The following SLC24A2 variants were observed in gnomAD, a reference collection of about 807,000 sequenced individuals.
SLC24A2 encodes the protein sodium/potassium/calcium exchanger 2.
SLC24A2 carries 36 observed loss-of-function variants against 62.0 expected under a neutral mutation model. The ratio of observed to expected loss-of-function variants is 0.58; its 90% CI spans 0.44 to 0.77. The LOEUF (loss-of-function observed/expected upper bound fraction) is 0.77. SLC24A2 is among the 30% of genes least tolerant of loss of function. The pLI is 0.00. For missense variants in SLC24A2, 846 were observed against 817.9 expected, an observed-to-expected ratio of 1.03 and a Z score of -0.42; for synonymous variants, 358 against 294.0, an observed-to-expected ratio of 1.22 and a Z score of -2.23.
the SLC24A2 span, among the ~76,000 whole-genome samples, chr9:20,087,361 G>A: frequency 6.6e-6 from 1 of 152,110 alleles, no homozygotes; most frequent in Non-Finnish European, 1.5e-5. Flanking sequence ...CAATAGGAAC[G>A]TAAACAGAAG....
chr9:20,179,194 G>C, the SLC24A2 span, among the ~76,000 whole-genome samples: 1 of 152,064 alleles, frequency 6.6e-6, no homozygotes, highest in Middle Eastern at 3.2e-3. Context: ...CGACTCTTGG[G>C]GCCCAAGGGG....
intron 2 of SLC24A2, among the ~76,000 whole-genome samples, chr9:19,667,121 T>C (rs1029812271): frequency 2.0e-5 from 3 of 152,132 alleles, no homozygotes; most frequent in African/African-American, 7.2e-5. Flanking sequence ...ACAACCTCAA[T>C]GATTTATCAC....
At chr9:19,904,644 C>T in the SLC24A2 span, among the ~76,000 whole-genome samples, 3 of 152,178 alleles carry the variant, frequency 2.0e-5, no homozygotes, top group Non-Finnish European at 4.4e-5. Context: ...TTTCATTACT[C>T]ATGATTCTTC....
the SLC24A2 span, among the ~76,000 whole-genome samples, chr9:19,970,360 T>C: frequency 6.6e-6 from 1 of 152,202 alleles, no homozygotes; most frequent in Admixed American, 6.5e-5. Flanking sequence ...ATTAAAATAA[T>C]TGTCTCCCTC....
chr9:20,203,095 T>A, the SLC24A2 span, among the ~76,000 whole-genome samples: 2 of 146,456 alleles, frequency 1.4e-5, no homozygotes, highest in South Asian at 4.6e-4. Context: ...TTATCCACAC[T>A]AAAGTTGGAG....
At chr9:20,253,535 C>T in the SLC24A2 span, among the ~76,000 whole-genome samples, 2 of 152,296 alleles carry the variant, frequency 1.3e-5, no homozygotes, top group African/African-American at 4.8e-5. Flanking sequence ...GGGTTCTCAA[C>T]CTTGGCTCCG....
At chr9:19,611,701 G>A (rs1179488875) in intron 4 of SLC24A2, among the ~76,000 whole-genome samples, 2 of 152,120 alleles carry the variant, frequency 1.3e-5, no homozygotes, top group Non-Finnish European at 2.9e-5. Flanking sequence ...TCATGGGTCA[G>A]CAGACAGCCC....
chr9:20,075,896 A>G, the SLC24A2 span, among the ~76,000 whole-genome samples: 1 of 152,202 alleles, frequency 6.6e-6, no homozygotes, highest in Non-Finnish European at 1.5e-5. Context: ...ATTCATGGAT[A>G]CTCAAGTCCC....
At chr9:20,137,502 G>C in the SLC24A2 span, among the ~76,000 whole-genome samples, 2 of 152,162 alleles carry the variant, frequency 1.3e-5, no homozygotes, top group African/African-American at 4.8e-5. Context: ...AAAATGTTAA[G>C]ATAGTCTTGG....
chr9:20,219,963 C>A, the SLC24A2 span, among the ~76,000 whole-genome samples: 1 of 152,240 alleles, frequency 6.6e-6, no homozygotes, highest in South Asian at 2.1e-4. Context: ...ACCTACCATA[C>A]AGGGTTGAAA....
At chr9:20,025,893 G>T in the SLC24A2 span, among the ~76,000 whole-genome samples, 3 of 152,108 alleles carry the variant, frequency 2.0e-5, no homozygotes, top group Non-Finnish European at 4.4e-5. Context: ...ATGCATCACT[G>T]CTATTAAAGA....
chr9:19,890,964 A>T, the SLC24A2 span, among the ~76,000 whole-genome samples: 1 of 152,166 alleles, frequency 6.6e-6, no homozygotes, highest in Admixed American at 6.6e-5. Flanking sequence ...TGAAAAAAGG[A>T]TGATTGATTT....
the SLC24A2 span, among the ~76,000 whole-genome samples, chr9:20,100,050 A>C: frequency 1.3e-5 from 2 of 151,304 alleles, no homozygotes; most frequent in Non-Finnish European, 2.9e-5. Context: ...ACAGGGTCTC[A>C]TTCTGTCACC....
At chr9:19,876,537 C>G in the SLC24A2 span, among the ~76,000 whole-genome samples, 1 of 152,004 alleles carries the variant, frequency 6.6e-6, no homozygotes, top group Non-Finnish European at 1.5e-5. Flanking sequence ...GTGTAGTTAA[C>G]CCATTTTAAA....
the SLC24A2 span, among the ~76,000 whole-genome samples, chr9:20,196,057 T>C: frequency 6.6e-6 from 1 of 152,206 alleles, no homozygotes; most frequent in African/African-American, 2.4e-5. Context: ...TAATTTGATA[T>C]AAACGTTCAT....
chr9:19,771,401 C>G (rs1822683298), intron 2 of SLC24A2, among the ~76,000 whole-genome samples: 2 of 152,206 alleles, frequency 1.3e-5, no homozygotes, highest in African/African-American at 4.8e-5. Context: ...CTCACCTTCA[C>G]TTAGACTTTC....
At chr9:19,734,540 T>C (rs984567455) in intron 2 of SLC24A2, among the ~76,000 whole-genome samples, 2 of 152,040 alleles carry the variant, frequency 1.3e-5, no homozygotes, top group Non-Finnish European at 2.9e-5. Context: ...CTTCCCTTTG[T>C]TTGTACCCTC....
At chr9:20,175,680 A>C in the SLC24A2 span, among the ~76,000 whole-genome samples, 10 of 152,200 alleles carry the variant, frequency 6.6e-5, no homozygotes, top group African/African-American at 2.2e-4. Flanking sequence ...AACAAATATT[A>C]AAACCTTAGT....
At chr9:19,792,536 C>CAAA (rs1165695410), upstream of SLC24A2, among the ~76,000 whole-genome samples, 10 of 74,608 alleles carry the variant, frequency 1.3e-4, no homozygotes, top group Admixed American at 5.1e-4. Flanking sequence ...ACTAAAAATA[C>CAAA]AAAAAAAAAA....
Sources: allele counts gnomAD v4.1 joint callset (sites outside exome capture counted in the v4.1 genomes callset), GRCh38; gene constraint gnomAD v4.1.1; transcripts MANE v1.5; gene names NCBI Gene and HGNC (gene_info 2026-07-23, HGNC 2026-07-21).